Variants in F5 observed in about 807,000 individuals in gnomAD.
The protein encoded by F5 is coagulation factor V.
A neutral mutation model predicts 216.4 loss-of-function variants in F5; 138 were observed. The observed-to-expected ratio is 0.64, with a 90% confidence interval of 0.56 to 0.73. The LOEUF is 0.73. Ranked by LOEUF, F5 falls within the 30% of genes least tolerant of loss-of-function variation. F5 has a pLI of 0.00. For synonymous variants in F5, 916 were observed against 930.7 expected (o/e 0.98, Z 0.29); for missense variants, 2,403 against 2,674.0 (o/e 0.90, Z 2.24).
chr1:169,566,332 T>A (rs1272214948), intron 3 of F5, among the ~76,000 whole-genome samples: 1 of 152,078 alleles, frequency 6.6e-6, no homozygotes, highest in Non-Finnish European at 1.5e-5. Context: ...CAAGCTCCCC[T>A]AAGGGCAAAA....
intron 16 of F5, 98 bp from the exon 17 acceptor site, chr1:169,528,192 C>T (rs1025085464): frequency 1.2e-4 from 182 of 1,456,572 alleles, no homozygotes; most frequent in Non-Finnish European, 1.7e-4. Flanking sequence ...ACCCATGTTC[C>T]TCATGATTCT....
chr1:169,514,538 G>T, intron 24 of F5, 79 bp from the exon 25 acceptor site: 1 of 1,284,162 alleles, frequency 7.8e-7, no homozygotes, highest in African/African-American at 1.5e-5. Flanking sequence ...TTTTAGACAG[G>T]GTCTTATTCT....
chr1:169,577,759 C>T (rs989082099), intron 2 of F5, among the ~76,000 whole-genome samples: 1 of 151,280 alleles, frequency 6.6e-6, no homozygotes, highest in African/African-American at 2.4e-5. Flanking sequence ...CATTTTAAAG[C>T]CCAAGACAGA....
At position 169,512,329 on chromosome 1, in the gene F5, A is replaced by G. The variant is rs954918672; in HGVS notation, c.*1984T>C. Among the ~76,000 whole-genome samples, 1 of 151,940 alleles carries G rather than the reference A, an allele frequency of 6.6e-6. No individual in the cohort carries two copies. Among genetic ancestry groups the G allele is most frequent in the Non-Finnish European group, 1.5e-5 (1 of 67,964 alleles). ...TCTCTTCCCTACCCCCCATTATTTC[A>G]TAAGATTTTCTTGCCCCTATTATGC... On this transcript the variant is annotated 3_prime_UTR_variant, in exon 25 of 25. Coordinates refer to ENST00000367797, the MANE Select transcript of F5 (RefSeq NM_000130.5).
intron 15 of F5, 143 bp from the exon 16 acceptor site, chr1:169,529,961 C>T (rs1659554287): frequency 1.5e-6 from 1 of 677,008 alleles, no homozygotes; most frequent in South Asian, 1.7e-5. Flanking sequence ...CATAATAAGC[C>T]TGGATATTTA....
Position 169,559,255 on chromosome 1 carries a change from G to T in F5, c.628C>A (p.Gln210Lys), listed in dbSNP as rs144937515. 364 of 1,613,766 alleles carry T rather than the reference G, an allele frequency of 2.3e-4. No individual in the cohort carries two copies. The highest frequency in any genetic ancestry group is 1.1e-3 in the East Asian group (50 of 44,860). The change falls in exon 5 of 25, where the codon CAA (glutamine) becomes AAA (lysine). Residue 210 changes from glutamine (Q) to lysine (K), a missense_variant. Gln to Lys is a moderately conservative substitution (Grantham distance 53). Coordinates refer to ENST00000367797, the MANE Select transcript of F5 (RefSeq NM_000130.5). ...EGGTQKTFDK[Q>K]IVLLFAVFDE... ...AACACAGCAAATAGTAGCACGATTTGCTTGTCAAACGTCTTCTGTGTCCCA... is the reference window on the plus strand; with the variant it reads ...AACACAGCAAATAGTAGCACGATTTTCTTGTCAAACGTCTTCTGTGTCCCA...
At chr1:169,518,662 A>G (rs1471100559) in intron 22 of F5, 99 bp from the exon 23 acceptor site, 2 of 1,310,770 alleles carry the variant, frequency 1.5e-6, no homozygotes, top group African/African-American at 2.9e-5. Context: ...CTACCAACAA[A>G]TGACAAAAAC....
At chr1:169,539,198 G>C (rs1214689125) in intron 13 of F5, among the ~76,000 whole-genome samples, 1 of 152,052 alleles carries the variant, frequency 6.6e-6, no homozygotes, top group Non-Finnish European at 1.5e-5. Flanking sequence ...CATAATATTT[G>C]CTATATACTG....
rs999216938 is a variant in F5, at chr1:169,512,625, C to T, written c.*1688G>A. ...ATGTTTTCCCCCACCTTCCAACATT[C>T]TCTTTTGCTCTTAACGGAATGGAAA... On this transcript the variant is annotated 3_prime_UTR_variant, in exon 25 of 25. Transcript: ENST00000367797. Among the ~76,000 whole-genome samples the T allele has an allele frequency of 6.6e-6, 1 of 152,070 alleles. No individual in the cohort carries two copies. Among genetic ancestry groups the T allele is most frequent in the Admixed American group, 6.6e-5 (1 of 15,232 alleles).
At chr1:169,523,979 A>G in intron 19 of F5, 75 bp from the exon 20 acceptor site, 1 of 1,289,224 alleles carries the variant, frequency 7.8e-7, no homozygotes, top group Non-Finnish European at 1.1e-6. Flanking sequence ...AGTTTAATCC[A>G]GTGGAAAACC....
intron 13 of F5, among the ~76,000 whole-genome samples, chr1:169,539,516 GA>G (rs1428323636): frequency 5.3e-5 from 8 of 152,186 alleles, no homozygotes; most frequent in Admixed American, 3.9e-4. Context: ...GAAGTCATAG[GA>G]AAAGGTGTTT....
At chr1:169,545,158 T>C (rs1189811666) in intron 11 of F5, among the ~76,000 whole-genome samples, 1 of 152,240 alleles carries the variant, frequency 6.6e-6, no homozygotes, top group Non-Finnish European at 1.5e-5. Flanking sequence ...ATGACTGGCA[T>C]TAACAAATAT....
intron 1 of F5, among the ~76,000 whole-genome samples, chr1:169,583,537 A>G (rs1051986314): frequency 4.6e-5 from 7 of 152,250 alleles, no homozygotes; most frequent in African/African-American, 1.7e-4. Context: ...CTCAGTTTCT[A>G]CAACTATGAA....
intron 19 of F5, 117 bp from the exon 20 acceptor site, chr1:169,524,021 A>G (rs2101807054): frequency 4.7e-6 from 4 of 852,030 alleles, no homozygotes; most frequent in Non-Finnish European, 7.8e-6. Flanking sequence ...TGTAGTCAGG[A>G]GTCTAGGCAT....
At chr1:169,517,768 T>C (rs1287879012) in intron 23 of F5, among the ~76,000 whole-genome samples, 1 of 152,138 alleles carries the variant, frequency 6.6e-6, no homozygotes, top group East Asian at 1.9e-4. Flanking sequence ...ACTATGCTTC[T>C]AGTTGCCTCA....
intron 10 of F5, among the ~76,000 whole-genome samples, chr1:169,548,887 A>C (rs927955610): frequency 6.6e-6 from 1 of 151,924 alleles, no homozygotes; most frequent in Non-Finnish European, 1.5e-5. Context: ...AAAAAAAAAA[A>C]AACAAATCCC....
intron 5 of F5, 49 bp from the exon 6 acceptor site, chr1:169,556,916 C>G (rs1425220059): frequency 6.5e-7 from 1 of 1,531,018 alleles, no homozygotes; most frequent in South Asian, 1.1e-5. Context: ...CAGTCAAGTA[C>G]TCTGTGATCA....
chr1:169,534,891 G>A, intron 14 of F5, among the ~76,000 whole-genome samples: 1 of 152,134 alleles, frequency 6.6e-6, no homozygotes, highest in Non-Finnish European at 1.5e-5. Flanking sequence ...CAACATGGAT[G>A]CCAGCTGGAG....
At chr1:169,552,823 C>T in intron 7 of F5, 89 bp from the exon 8 acceptor site, 1 of 955,388 alleles carries the variant, frequency 1.0e-6, no homozygotes, top group Non-Finnish European at 1.7e-6. Context: ...ACATTCTGCT[C>T]TTAGATTAGC....
Sources: allele counts gnomAD v4.1 joint callset (sites outside exome capture counted in the v4.1 genomes callset), GRCh38; gene constraint gnomAD v4.1.1; transcripts MANE v1.5; gene names NCBI Gene and HGNC (gene_info 2026-07-23, HGNC 2026-07-21).